Variants in P4HA2 observed in about 807,000 individuals in gnomAD.
P4HA2 encodes the protein prolyl 4-hydroxylase subunit alpha-2.
In P4HA2, 46 loss-of-function variants were observed where a neutral mutation model predicts 76.9. That is an observed-to-expected ratio of 0.60 (90% CI 0.47 to 0.76). The LOEUF (loss-of-function observed/expected upper bound fraction) is 0.76. P4HA2 is among the 30% of genes least tolerant of loss of function. P4HA2 has a pLI of 0.00. For synonymous variants in P4HA2, 243 were observed against 254.0 expected (o/e 0.96, Z 0.41); for missense variants, 583 against 669.4 (o/e 0.87, Z 1.42).
rs1308260346 is a variant in P4HA2, at chr5:132,191,563, A to G, written c.*1447T>C. On this transcript the variant is annotated 3_prime_UTR_variant, in exon 15 of 15. Transcript: ENST00000360568. Reference sequence around the variant, plus strand: ...CAACATATGAATCTGGTGGGGGGACACAAACATTTAGTCCGTAACATGTAC... The same window carrying G: ...CAACATATGAATCTGGTGGGGGGACGCAAACATTTAGTCCGTAACATGTAC... Among the ~76,000 whole-genome samples the G allele has an allele frequency of 6.6e-6, 1 of 151,456 alleles. No homozygotes were observed. The highest frequency in any genetic ancestry group is 6.6e-5 in the Admixed American group (1 of 15,240).
chr5:132,195,536 G>A (rs1750508860), intron 12 of P4HA2, 56 bp from the exon 13 acceptor site: 4 of 1,310,686 alleles, frequency 3.1e-6, no homozygotes, highest in Non-Finnish European at 3.3e-6. Context: ...CAGAGCAATT[G>A]AGCCACAAAG....
intron 7 of P4HA2, among the ~76,000 whole-genome samples, chr5:132,208,630 A>G (rs1305240761): frequency 6.6e-6 from 1 of 150,600 alleles, no homozygotes; most frequent in Non-Finnish European, 1.5e-5. Context: ...CAGGGGAGAA[A>G]CCTTTCTTGG....
chr5:132,226,250 A>T (rs1167734693), intron 1 of P4HA2, among the ~76,000 whole-genome samples: 2 of 152,200 alleles, frequency 1.3e-5, no homozygotes, highest in African/African-American at 4.8e-5. Context: ...TAGGTGGACA[A>T]TGGATCTCCA....
chr5:132,198,170 G>A (rs1225110574), intron 12 of P4HA2, 151 bp downstream of exon 12: 1 of 1,613,692 alleles, frequency 6.2e-7, no homozygotes, highest in South Asian at 1.1e-5. Context: ...TGGACCCAGG[G>A]TCCCCTTAGG....
chr5:132,215,605 C>A (rs1753737067), intron 4 of P4HA2, among the ~76,000 whole-genome samples: 1 of 152,174 alleles, frequency 6.6e-6, no homozygotes, highest in South Asian at 2.1e-4. Flanking sequence ...AGTCTGGCCA[C>A]ATGGGCTAAA....
chr5:132,190,824 G>A lies in P4HA2; in HGVS notation c.*2186C>T, dbSNP rs1275376398. ...GCAAAATATATAACAAAGAACTTGT[G>A]TACATATTTTAAAATTTGTATGAAT... On this transcript the variant is annotated 3_prime_UTR_variant, in exon 15 of 15. Coordinates refer to ENST00000360568, the MANE Select transcript of P4HA2 (RefSeq NM_001017974.2). Among the ~76,000 whole-genome samples, 1 of 152,128 alleles carries A rather than the reference G, an allele frequency of 6.6e-6. No individual in the cohort carries two copies. Among genetic ancestry groups the A allele is most frequent in the Admixed American group, 6.5e-5 (1 of 15,278 alleles).
intron 13 of P4HA2, 29 bp from the exon 14 acceptor site, chr5:132,195,051 A>AG: frequency 3.5e-6 from 5 of 1,439,434 alleles, no homozygotes; most frequent in Non-Finnish European, 4.9e-6. Context: ...TTCAGAACAC[A>AG]TTCTTAAGAG....
chr5:132,204,006 A>AC, intron 9 of P4HA2, 76 bp downstream of exon 9: 2 of 1,309,352 alleles, frequency 1.5e-6, no homozygotes, highest in Admixed American at 1.7e-5. Context: ...AAGGCAAGCC[A>AC]CCCATCCCTA....
At chr5:132,205,556 G>A (rs546308599) in intron 8 of P4HA2, among the ~76,000 whole-genome samples, 3 of 152,328 alleles carry the variant, frequency 2.0e-5, no homozygotes, top group Non-Finnish European at 4.4e-5. Flanking sequence ...TGGGAGGCTA[G>A]TGAGGCCACG....
intron 7 of P4HA2, 26 bp downstream of exon 7, chr5:132,209,112 C>T: frequency 6.4e-7 from 1 of 1,572,296 alleles, no homozygotes; most frequent in Non-Finnish European, 8.7e-7. Flanking sequence ...ACAGCTTTGG[C>T]ACCCTAGCCC....
intron 5 of P4HA2, among the ~76,000 whole-genome samples, chr5:132,213,372 C>A (rs1261813192): frequency 6.6e-6 from 1 of 151,568 alleles, no homozygotes; most frequent in Non-Finnish European, 1.5e-5. Context: ...AGTAGCCTAA[C>A]CAGGAGGGGA....
intron 5 of P4HA2, among the ~76,000 whole-genome samples, chr5:132,211,081 G>A (rs1753020182): frequency 6.6e-6 from 1 of 152,206 alleles, no homozygotes; most frequent in Non-Finnish European, 1.5e-5. Flanking sequence ...AGGAGAAACA[G>A]AGGGAGCGGG....
chr5:132,217,739 G>C lies in P4HA2; in HGVS notation c.179+13C>G. Reference sequence around the variant, plus strand: ...AGGAAGGCCAACTAAGGATGGTTGGGGACTTAGGACACCTCTTAATCTTGG... The same window carrying C: ...AGGAAGGCCAACTAAGGATGGTTGGCGACTTAGGACACCTCTTAATCTTGG... On this transcript the variant is annotated intron_variant, in intron 3 of 14. Transcript: ENST00000360568. The C allele has an allele frequency of 6.6e-7, 1 of 1,512,766 alleles. No homozygotes were observed. Among genetic ancestry groups the C allele is most frequent in the Non-Finnish European group, 9.2e-7 (1 of 1,087,652 alleles). The allele number at this position is 1,512,766 out of a possible 1,614,324, so 93.7% of individuals were successfully genotyped here. A position where few individuals can be genotyped will look rare whatever the true frequency, so the allele number is the denominator to read the frequency against.
intron 1 of P4HA2, among the ~76,000 whole-genome samples, chr5:132,226,025 A>G (rs1344035624): frequency 6.6e-6 from 1 of 152,026 alleles, no homozygotes. Flanking sequence ...TCAAAGACCA[A>G]ACATTCTGTG....
chr5:132,205,053 C>A (rs1340816761), intron 8 of P4HA2, among the ~76,000 whole-genome samples: 1 of 152,246 alleles, frequency 6.6e-6, no homozygotes, highest in Non-Finnish European at 1.5e-5. Flanking sequence ...TTGATGAGTG[C>A]CTACTTTGTG....
intron 2 of P4HA2, 30 bp from the exon 3 acceptor site, chr5:132,217,878 A>T (rs765920073): frequency 2.9e-6 from 4 of 1,370,820 alleles, no homozygotes; most frequent in Non-Finnish European, 3.1e-6. Flanking sequence ...GACACCAGTG[A>T]GAAACAGATG....
rs1388769890 is a variant in P4HA2, at chr5:132,203,735, G to T, written c.1251+13C>A. On this transcript the variant is annotated intron_variant, in intron 10 of 14. Transcript: ENST00000360568. ...CACTTCCCAACTCCTACAGTCCCAG[G>T]TACTATCTGTACCTGTAACAATTCT... is the stretch of plus-strand genomic sequence containing the variant. The T allele has an allele frequency of 6.6e-7, 1 of 1,522,898 alleles. No individual in the cohort carries two copies. 94.3% of individuals were successfully genotyped at this position (1,522,898 alleles called of 1,614,324 possible). A position where few individuals can be genotyped will look rare whatever the true frequency, so the allele number is the denominator to read the frequency against.
At chr5:132,209,397 T>C (rs547372159) in intron 6 of P4HA2, 66 bp from the exon 7 acceptor site, 2 of 1,311,350 alleles carry the variant, frequency 1.5e-6, no homozygotes, top group Non-Finnish European at 2.2e-6. Flanking sequence ...TTTAGAGAAA[T>C]TATTCTGTAA....
intron 12 of P4HA2, chr5:132,198,074 A>G: frequency 6.8e-7 from 1 of 1,465,950 alleles, no homozygotes; most frequent in Non-Finnish European, 9.0e-7. Context: ...GCAGCCAAGA[A>G]GGGTGCTGAG....
Sources: gnomAD v4.1 joint callset for allele counts (sites outside exome capture counted in the v4.1 genomes callset) on GRCh38, gnomAD v4.1.1 for gene constraint, MANE v1.5 for transcripts, NCBI Gene and HGNC (gene_info 2026-07-23, HGNC 2026-07-21) for gene names.